Variants in MTG1 observed in about 807,000 individuals in gnomAD.
The protein encoded by MTG1 is mitochondrial ribosome associated GTPase 1.
MTG1 carries 30 observed loss-of-function variants against 39.5 expected under a neutral mutation model. The observed-to-expected ratio is 0.76, with a 90% confidence interval of 0.57 to 1.03. The LOEUF (loss-of-function observed/expected upper bound fraction) is 1.03. MTG1 is among the 50% of genes least tolerant of loss of function. MTG1 has a pLI of 0.00. For synonymous variants in MTG1, 217 were observed against 179.0 expected (o/e 1.21, Z -1.69); for missense variants, 513 against 447.4 (o/e 1.15, Z -1.32).
intron 4 of MTG1, among the ~76,000 whole-genome samples, chr10:133,398,955 C>A (rs920387478): frequency 6.6e-6 from 1 of 152,174 alleles, no homozygotes; most frequent in Non-Finnish European, 1.5e-5. Context: ...TTCCCAACAC[C>A]GGATACTTGG....
At position 133,399,663 on chromosome 10, in the gene MTG1, C is replaced by T. The variant is rs368401199; in HGVS notation, c.511+44C>T. 1.6e-5 allele frequency: 26 copies of T among 1,592,372 alleles called. No homozygotes were observed. In the African/African-American group the frequency reaches 1.7e-4, roughly 11 times the overall value. ...GATCACCTCAGGAAAGGTACTGGCG[C>T]GTGTGGCTGATGTGCTGATGCCACC... On this transcript the variant is annotated intron_variant, in intron 6 of 10. Coordinates refer to ENST00000317502, the MANE Select transcript of MTG1 (RefSeq NM_138384.4).
chr10:133,411,354 T>TA (rs1219612498), intron 9 of MTG1, among the ~76,000 whole-genome samples: 1 of 152,228 alleles, frequency 6.6e-6, no homozygotes, highest in African/African-American at 2.4e-5. Flanking sequence ...TTGTACTACT[T>TA]ACTGCTTGTA....
At chr10:133,416,411 T>C (rs1850133770) in intron 9 of MTG1, among the ~76,000 whole-genome samples, 2 of 150,966 alleles carry the variant, frequency 1.3e-5, no homozygotes, top group South Asian at 4.2e-4. Context: ...TTTTATTTTA[T>C]TATTATTATA....
rs1850245209 is a variant in MTG1, at chr10:133,421,909, G to GGGGGGGGGGGGGGGGGC, written c.*1744_*1745insGGGGGGGGGGGGGGGGC. The GGGGGGGGGGGGGGGGGC allele has an allele frequency of 7.1e-6, 1 of 140,808 alleles. No individual in the cohort carries two copies. The allele number at this position is 140,808 out of a possible 1,614,324, so 8.7% of individuals were successfully genotyped here. ...TGAGATCCCAAGGCCACGGCGGGGG[G>GGGGGGGGGGGGGGGGGC]CAGGGAGAACCCCTCCTACCCTGGA... On this transcript the variant is annotated 3_prime_UTR_variant, in exon 11 of 11. Coordinates refer to ENST00000317502, the MANE Select transcript of MTG1 (RefSeq NM_138384.4).
Position 133,420,429 on chromosome 10 carries a change from C to G in MTG1, c.*264C>G, listed in dbSNP as rs778859188. On this transcript the variant is annotated 3_prime_UTR_variant, in exon 11 of 11. Transcript: ENST00000317502. ...CTCCCGGAGCTTCCTGCTCAGGCCTCTTGAGAAATGGATGCTGTCTCAGAA... is the reference window on the plus strand; with the variant it reads ...CTCCCGGAGCTTCCTGCTCAGGCCTGTTGAGAAATGGATGCTGTCTCAGAA... The G allele has an allele frequency of 1.9e-5, 8 of 421,944 alleles. No homozygotes were observed. Among genetic ancestry groups the G allele is most frequent in the Non-Finnish European group, 3.3e-5 (8 of 239,582 alleles). 26.1% of individuals were successfully genotyped at this position (421,944 alleles called of 1,614,324 possible).
At chr10:133,398,561 G>T (rs773768280) in intron 4 of MTG1, 46 bp downstream of exon 4, 2 of 1,573,682 alleles carry the variant, frequency 1.3e-6, no homozygotes, top group African/African-American at 1.4e-5. Flanking sequence ...GCTTCAGTAG[G>T]TTCGAGGAGC....
At chr10:133,403,674 T>C (rs554654058) in intron 9 of MTG1, among the ~76,000 whole-genome samples, 2 of 152,330 alleles carry the variant, frequency 1.3e-5, no homozygotes, top group South Asian at 4.1e-4. Flanking sequence ...CTTCACCCGT[T>C]GATGGATATG....
chr10:133,394,187 C>T lies in MTG1; in HGVS notation c.-34C>T, dbSNP rs913763584. 13 of 1,476,376 alleles carry T rather than the reference C, an allele frequency of 8.8e-6. No individual in the cohort carries two copies. Among genetic ancestry groups the T allele is most frequent in the African/African-American group, 5.9e-5 (4 of 68,358 alleles). The allele number at this position is 1,476,376 out of a possible 1,614,324, so 91.5% of individuals were successfully genotyped here. A position where few individuals can be genotyped will look rare whatever the true frequency, so the allele number is the denominator to read the frequency against. On this transcript the variant is annotated 5_prime_UTR_variant, in exon 1 of 11. Coordinates refer to ENST00000317502, the MANE Select transcript of MTG1 (RefSeq NM_138384.4). ...CGGGTCGCAGCGGCGCAGAGGAGGT[C>T]AGCTGCGGGAGCGTTTCCGGGGACG...
rs546433345 is a variant in MTG1, at chr10:133,394,270, G to C, written c.50G>C (p.Arg17Pro). ...TGCAGCGCCGCCCAGGCCGCCTGGCGGGAGAACTTCCCCCTGTGCGGTCGC... is the reference window on the plus strand; with the variant it reads ...TGCAGCGCCGCCCAGGCCGCCTGGCCGGAGAACTTCCCCCTGTGCGGTCGC... ...ALCSAAQAAW[R>P]ENFPLCGRDV... is the part of the protein sequence containing the mutation. The change falls in exon 1 of 11, where the codon CGG (arginine) becomes CCG (proline). Residue 17 changes from arginine (R) to proline (P), a missense_variant. Physicochemically the swap from Arg to Pro is moderately radical, Grantham distance 103. Coordinates refer to ENST00000317502, the MANE Select transcript of MTG1 (RefSeq NM_138384.4). 1 of 1,516,952 alleles carries C rather than the reference G, an allele frequency of 6.6e-7. No homozygotes were observed. Among genetic ancestry groups the C allele is most frequent in the Non-Finnish European group, 8.8e-7 (1 of 1,137,014 alleles). The allele number at this position is 1,516,952 out of a possible 1,614,324, so 94.0% of individuals were successfully genotyped here.
intron 6 of MTG1, among the ~76,000 whole-genome samples, chr10:133,400,781 G>A (rs534891201): frequency 2.6e-5 from 4 of 152,108 alleles, no homozygotes; most frequent in African/African-American, 4.8e-5. Flanking sequence ...TACACCCCTC[G>A]TTCCACTTTC....
intron 10 of MTG1, 68 bp from the exon 11 acceptor site, chr10:133,419,958 A>G: frequency 6.6e-7 from 1 of 1,523,312 alleles, no homozygotes; most frequent in Non-Finnish European, 8.9e-7. Context: ...CTGGTCCCTC[A>G]GGTGGGTAAG....
chr10:133,394,611 CCT>C (rs1849753520), intron 1 of MTG1: 1 of 1,293,688 alleles, frequency 7.7e-7, no homozygotes, highest in African/African-American at 1.6e-5. Context: ...GCCCGCCGCC[CCT>C]GTCCTCTGTT....
intron 9 of MTG1, among the ~76,000 whole-genome samples, chr10:133,417,069 T>C (rs1850143235): frequency 6.6e-6 from 1 of 151,380 alleles, no homozygotes; most frequent in Non-Finnish European, 1.5e-5. Context: ...GCACCTGTTG[T>C]TTCCTGACTT....
chr10:133,394,208 G>A lies in MTG1; in HGVS notation c.-13G>A, dbSNP rs1458873732. ...AGGTCAGCTGCGGGAGCGTTTCCGG[G>A]GACGGTGCCGCCATGAGATTGACCC... On this transcript the variant is annotated 5_prime_UTR_variant, in exon 1 of 11. Coordinates refer to ENST00000317502, the MANE Select transcript of MTG1 (RefSeq NM_138384.4). 6.6e-7 allele frequency: 1 copy of A among 1,509,534 alleles called. No homozygotes were observed. The highest frequency in any genetic ancestry group is 8.8e-7 in the Non-Finnish European group (1 of 1,132,774). The allele number at this position is 1,509,534 out of a possible 1,614,324, so 93.5% of individuals were successfully genotyped here.
intron 5 of MTG1, 96 bp from the exon 6 acceptor site, chr10:133,399,433 G>C: frequency 3.7e-6 from 5 of 1,336,832 alleles, no homozygotes; most frequent in Non-Finnish European, 5.3e-6. Flanking sequence ...TCCCTGAGCT[G>C]ACCTGGCCTG....
intron 3 of MTG1, among the ~76,000 whole-genome samples, chr10:133,397,540 G>A (rs1170527095): frequency 4.6e-5 from 7 of 150,800 alleles, no homozygotes; most frequent in Non-Finnish European, 7.4e-5. Flanking sequence ...GTGCAGTGGC[G>A]CAATCTTGAC....
chr10:133,402,292 G>T lies in MTG1; in HGVS notation c.670+47G>T, dbSNP rs753359587. 8 of 1,608,990 alleles carry T rather than the reference G, an allele frequency of 5.0e-6. No homozygotes were observed. The highest frequency in any genetic ancestry group is 1.7e-5 in the Admixed American group (1 of 59,994). On this transcript the variant is annotated intron_variant, in intron 8 of 10. Transcript: ENST00000317502. The surrounding 1 kb of genome is among the most constrained non-coding windows in gnomAD (Gnocchi z 4.7). ...GGCTGGGGCTGGGACCGGGGCCCCT[G>T]CCACCCCACCTTTAGGGCTGGCTTT...
chr10:133,398,657 G>C, intron 4 of MTG1, 142 bp downstream of exon 4: 1 of 911,768 alleles, frequency 1.1e-6, no homozygotes, highest in Non-Finnish European at 1.6e-6. Context: ...ACACGGATGC[G>C]ATCTCCTGGG....
chr10:133,404,195 T>A (rs1849934155), intron 9 of MTG1, among the ~76,000 whole-genome samples: 1 of 141,202 alleles, frequency 7.1e-6, no homozygotes, highest in Non-Finnish European at 1.5e-5. Context: ...TGGTACAGTC[T>A]CAGCTCACTG....
Sources: allele counts gnomAD v4.1 joint callset (sites outside exome capture counted in the v4.1 genomes callset), GRCh38; gene constraint gnomAD v4.1.1; non-coding constraint Gnocchi (gnomAD v3.1); transcripts MANE v1.5; gene names NCBI Gene and HGNC (gene_info 2026-07-23, HGNC 2026-07-21).